Variants in DCC observed in about 807,000 individuals in gnomAD.
The protein encoded by DCC is DCC netrin 1 receptor, also known as netrin receptor DCC.
DCC carries 58 observed loss-of-function variants against 172.5 expected under a neutral mutation model. The observed-to-expected ratio is 0.34, with a 90% CI of 0.27 to 0.42. DCC has a LOEUF of 0.42. Ranked by LOEUF, DCC falls within the 10% of genes least tolerant of loss-of-function variation. The pLI, the probability that DCC is intolerant of heterozygous loss-of-function variation, is 1.00. For synonymous variants in DCC, 709 were observed against 644.5 expected (o/e 1.10, Z -1.52); for missense variants, 1,740 against 1,791.0 (o/e 0.97, Z 0.51).
chr18:52,604,662 GT>G (rs1307361440), intron 1 of DCC, among the ~76,000 whole-genome samples: 2 of 152,130 alleles, frequency 1.3e-5, no homozygotes, highest in Non-Finnish European at 2.9e-5. Context: ...CACATAGTAT[GT>G]CCATTTCTAG....
At chr18:52,916,444 A>G (rs2040042308) in intron 3 of DCC, among the ~76,000 whole-genome samples, 1 of 152,208 alleles carries the variant, frequency 6.6e-6, no homozygotes, top group South Asian at 2.1e-4. Flanking sequence ...ACATTCAAGC[A>G]CCTTTCTGAT....
intron 1 of DCC, among the ~76,000 whole-genome samples, chr18:52,642,608 C>T (rs1035775462): frequency 9.9e-5 from 15 of 151,592 alleles, no homozygotes; most frequent in Non-Finnish European, 2.1e-4. Flanking sequence ...TCATGATGTT[C>T]TTAATATTTT....
intron 1 of DCC, among the ~76,000 whole-genome samples, chr18:52,576,643 C>A (rs1331090649): frequency 6.6e-6 from 1 of 152,004 alleles, no homozygotes; most frequent in Non-Finnish European, 1.5e-5. Context: ...TCCTGGCTAA[C>A]ATAGTGAAAC....
At chr18:52,726,605 T>C (rs1334706071) in intron 1 of DCC, among the ~76,000 whole-genome samples, 1 of 152,204 alleles carries the variant, frequency 6.6e-6, no homozygotes, top group Non-Finnish European at 1.5e-5. Context: ...AATTTTATAT[T>C]ACATTTTATT....
At chr18:53,507,243 T>C (rs2046191741) in intron 27 of DCC, among the ~76,000 whole-genome samples, 1 of 152,198 alleles carries the variant, frequency 6.6e-6, no homozygotes, top group Non-Finnish European at 1.5e-5. Flanking sequence ...CAAGGGGAAA[T>C]GTTGAAATAA....
At chr18:53,286,997 A>G (rs1302049268) in intron 12 of DCC, among the ~76,000 whole-genome samples, 3 of 152,042 alleles carry the variant, frequency 2.0e-5, no homozygotes, top group Non-Finnish European at 2.9e-5. Context: ...GAAATTTTCC[A>G]GTTTTAACAT....
At chr18:53,206,095 A>G (rs1445864419) in intron 10 of DCC, among the ~76,000 whole-genome samples, 1 of 147,070 alleles carries the variant, frequency 6.8e-6, no homozygotes, top group African/African-American at 2.5e-5. Context: ...ACGTATATGT[A>G]TTATACATGT....
chr18:53,422,404 A>C (rs910207244), intron 21 of DCC, among the ~76,000 whole-genome samples: 3 of 152,052 alleles, frequency 2.0e-5, no homozygotes, highest in African/African-American at 7.2e-5. Context: ...TCTTTATTTT[A>C]GGTTGACAGT....
rs550844950 is a variant in DCC, at chr18:52,700,169, C to T, written c.92-51885C>T. Among the ~76,000 whole-genome samples, 5 of 150,044 alleles carry T rather than the reference C, an allele frequency of 3.3e-5. No individual in the cohort carries two copies. The South Asian group carries it at 1.1e-3, about 32-fold the overall frequency. On this transcript the variant is annotated intron_variant, in intron 1 of 28. Transcript: ENST00000442544. ...CCCCACACACACACACATGCACACG[C>T]ACACACACATGCACACGCACACACA...
chr18:52,914,221 T>TA (rs58188187), intron 3 of DCC, among the ~76,000 whole-genome samples: 59,714 of 151,050 alleles, frequency 0.4, 12,350 homozygotes, highest in Non-Finnish European at 0.47. Flanking sequence ...AATCTAAAAA[T>TA]AAAAAAAAAT....
At chr18:52,875,801 T>G (rs1230267564) in intron 2 of DCC, among the ~76,000 whole-genome samples, 2 of 152,178 alleles carry the variant, frequency 1.3e-5, no homozygotes, top group Non-Finnish European at 2.9e-5. Context: ...TTTTGGAGCT[T>G]TTCTTCTCCC....
chr18:52,521,090 A>G (rs1288890764), intron 1 of DCC, among the ~76,000 whole-genome samples: 1 of 152,148 alleles, frequency 6.6e-6, no homozygotes, highest in African/African-American at 2.4e-5. Flanking sequence ...TTGTCTAGGA[A>G]ACATTCGTAT....
chr18:53,131,174 C>A (rs1450059818), intron 7 of DCC, among the ~76,000 whole-genome samples: 1 of 151,978 alleles, frequency 6.6e-6, no homozygotes, highest in Non-Finnish European at 1.5e-5. Flanking sequence ...GATACATTCA[C>A]CTTTTAAAAT....
intron 21 of DCC, among the ~76,000 whole-genome samples, chr18:53,425,720 G>A (rs1910891911): frequency 6.6e-6 from 1 of 151,910 alleles, no homozygotes; most frequent in Non-Finnish European, 1.5e-5. Flanking sequence ...CATCATCAGA[G>A]TCATACAGTA....
rs116694495 is a variant in DCC, at chr18:52,881,031, G to C, written c.413-25013G>C. 2.1e-3 allele frequency among the ~76,000 whole-genome samples: 315 copies of C among 152,120 alleles called. 1 individual carries two copies. The highest frequency in any genetic ancestry group is 7.2e-3 in the African/African-American group (299 of 41,512). On this transcript the variant is annotated intron_variant, in intron 2 of 28. Transcript: ENST00000442544. ...ATCCTCTCCAGCATTTTTATTACCTGTCTTTGGGATAAAAGCCATTTTAAC... is the reference window on the plus strand; with the variant it reads ...ATCCTCTCCAGCATTTTTATTACCTCTCTTTGGGATAAAAGCCATTTTAAC...
chr18:52,458,943 A>G (rs1317670051), intron 1 of DCC, among the ~76,000 whole-genome samples: 1 of 152,212 alleles, frequency 6.6e-6, no homozygotes, highest in Non-Finnish European at 1.5e-5. Flanking sequence ...AGCCTGAAAC[A>G]TGGAAAGGGG....
intron 2 of DCC, among the ~76,000 whole-genome samples, chr18:52,891,763 A>G (rs573898629): frequency 6.6e-6 from 1 of 152,234 alleles, no homozygotes; most frequent in African/African-American, 2.4e-5. Context: ...TGTTCATTAT[A>G]CATCAAAATA....
intron 5 of DCC, among the ~76,000 whole-genome samples, chr18:52,988,305 A>T (rs2145616908): frequency 6.6e-6 from 1 of 152,210 alleles, no homozygotes; most frequent in South Asian, 2.1e-4. Flanking sequence ...TTATACAATT[A>T]TTAAACAGAG....
chr18:53,249,432 T>A (rs1391882351), intron 12 of DCC, among the ~76,000 whole-genome samples: 1 of 151,926 alleles, frequency 6.6e-6, no homozygotes, highest in Non-Finnish European at 1.5e-5. Context: ...TAGGGTTTTA[T>A]GACAGATCAA....
Sources: allele counts gnomAD v4.1 joint callset (sites outside exome capture counted in the v4.1 genomes callset), GRCh38; gene constraint gnomAD v4.1.1; transcripts MANE v1.5; gene names NCBI Gene and HGNC (gene_info 2026-07-23, HGNC 2026-07-21).